The following KLHL22 variants were observed in gnomAD, a reference collection of about 807,000 sequenced individuals.
KLHL22 encodes kelch like family member 22, also known as kelch-like protein 22.
In KLHL22, 18 loss-of-function variants were observed where a neutral mutation model predicts 60.7. That is an observed-to-expected ratio of 0.30 (90% CI 0.20 to 0.44). The LOEUF (loss-of-function observed/expected upper bound fraction) is 0.44, where lower values mean the gene tolerates loss of function less well. Among genes scored for constraint, KLHL22 ranks in the 20% least tolerant of loss-of-function variants. The pLI is 1.00. For missense variants in KLHL22, 596 were observed against 852.3 expected, an observed-to-expected ratio of 0.70 and a Z score of 3.74; for synonymous variants, 355 against 354.5, an observed-to-expected ratio of 1.00 and a Z score of -0.01.
rs1413403607 is a variant in KLHL22, at chr22:20,465,733, CT to C, written c.394-158del. The C allele has an allele frequency of 4.9e-5, 31 of 626,908 alleles. No homozygotes were observed. The highest frequency in any genetic ancestry group is 2.9e-4 in the African/African-American group (16 of 54,862). The allele number at this position is 626,908 out of a possible 1,614,324, so 38.8% of individuals were successfully genotyped here. ...CCGACCTTTTCTGACACACTGGAGACTGGGGCTTACTGCAGACTAGGTTTAA... is the reference window on the plus strand; with the variant it reads ...CCGACCTTTTCTGACACACTGGAGACGGGGCTTACTGCAGACTAGGTTTAA... On this transcript the variant is annotated intron_variant, in intron 3 of 6. Coordinates refer to ENST00000328879, the MANE Select transcript of KLHL22 (RefSeq NM_032775.4). The surrounding 1 kb of genome is among the most constrained non-coding windows in gnomAD (Gnocchi z 4.9).
At chr22:20,454,140 G>C (rs1236833696) in intron 5 of KLHL22, among the ~76,000 whole-genome samples, 1 of 152,040 alleles carries the variant, frequency 6.6e-6, no homozygotes, top group Non-Finnish European at 1.5e-5. Flanking sequence ...AACAGCCTGG[G>C]CAATATGGTG....
At position 20,464,942 on chromosome 22, in the gene KLHL22, C is replaced by T. The variant is rs752446361; in HGVS notation, c.1028G>A (p.Gly343Asp). The T allele has an allele frequency of 6.2e-7, 1 of 1,601,502 alleles. No individual in the cohort carries two copies. Among genetic ancestry groups the T allele is most frequent in the Non-Finnish European group, 8.5e-7 (1 of 1,174,120 alleles). The change falls in exon 4 of 7, where the codon GGC becomes GAC. Residue 343 changes from glycine (G) to aspartate (D), a missense_variant. Physicochemically the swap from Gly to Asp is moderately conservative, Grantham distance 94 (BLOSUM62 -1). Transcript: ENST00000328879. ...ASLAPRMSNQ[G>D]IAVLNNFVYL... ...TACGAAGTTGTTGAGCACCGCGATGCCCTGGTTGGACATGCGGGGGGCCAG... is the reference window on the plus strand; with the variant it reads ...TACGAAGTTGTTGAGCACCGCGATGTCCTGGTTGGACATGCGGGGGGCCAG...
intron 2 of KLHL22, among the ~76,000 whole-genome samples, chr22:20,475,766 G>C (rs1213547510): frequency 6.6e-6 from 1 of 152,114 alleles, no homozygotes; most frequent in Non-Finnish European, 1.5e-5. Flanking sequence ...TTATCACTAT[G>C]TTGGCCAGGC....
At chr22:20,472,150 G>C (rs1057154315) in intron 2 of KLHL22, among the ~76,000 whole-genome samples, 2 of 152,086 alleles carry the variant, frequency 1.3e-5, no homozygotes, top group Non-Finnish European at 2.9e-5. Flanking sequence ...TGGTGGCTGC[G>C]GCACAAGAAT....
intron 4 of KLHL22, among the ~76,000 whole-genome samples, chr22:20,458,823 C>T (rs1243140470): frequency 6.6e-6 from 1 of 152,142 alleles, no homozygotes; most frequent in Non-Finnish European, 1.5e-5. Context: ...CCCCGCGTTT[C>T]CTGACCTCCC....
chr22:20,461,967 G>A (rs1278881082), intron 4 of KLHL22, among the ~76,000 whole-genome samples: 1 of 152,000 alleles, frequency 6.6e-6, no homozygotes, highest in African/African-American at 2.4e-5. Context: ...GCATGGTGGC[G>A]TACACCGGTA....
chr22:20,452,685 G>A (rs1601330681), intron 5 of KLHL22, among the ~76,000 whole-genome samples: 1 of 152,310 alleles, frequency 6.6e-6, no homozygotes, highest in East Asian at 1.9e-4. Flanking sequence ...TCATCTTATT[G>A]CCTGCCAGGG....
chr22:20,471,409 C>T lies in KLHL22; in HGVS notation c.334G>A (p.Glu112Lys), dbSNP rs1053093252. The change falls in exon 3 of 7, where the codon GAG (glutamate) becomes AAG (lysine). Residue 112 changes from glutamate (E) to lysine (K), a missense_variant. Coordinates refer to ENST00000328879, the MANE Select transcript of KLHL22 (RefSeq NM_032775.4). Reference sequence around the variant, plus strand: ...ACATTGCTCAGGCTGAGCTCCAGCTCGGAGGTGTATATGAAATGTAGGATT... The same window carrying T: ...ACATTGCTCAGGCTGAGCTCCAGCTTGGAGGTGTATATGAAATGTAGGATT... ...CQILHFIYTS[E>K]LELSLSNVQE... The T allele has an allele frequency of 6.2e-7, 1 of 1,614,060 alleles. No homozygotes were observed. The highest frequency in any genetic ancestry group is 8.5e-7 in the Non-Finnish European group (1 of 1,179,964).
intron 5 of KLHL22, among the ~76,000 whole-genome samples, chr22:20,456,897 G>A (rs565710404): frequency 1.8e-4 from 28 of 152,350 alleles, no homozygotes; most frequent in African/African-American, 6.0e-4. Context: ...TAAACTCCCT[G>A]AGGCAGTGCA....
intron 4 of KLHL22, 82 bp downstream of exon 4, chr22:20,464,776 A>G (rs2053204622): frequency 1.2e-6 from 1 of 839,804 alleles, no homozygotes; most frequent in Non-Finnish European, 1.9e-6. Context: ...GCTGGGGGGA[A>G]CCTGACCAGC....
intron 2 of KLHL22, chr22:20,475,217 C>CT (rs2053391840): frequency 6.9e-6 from 1 of 145,656 alleles, no homozygotes; most frequent in Non-Finnish European, 1.5e-5. Flanking sequence ...GTCTAGTCAA[C>CT]TGCAGTAGTG....
At chr22:20,453,846 T>C (rs1260311037) in intron 5 of KLHL22, among the ~76,000 whole-genome samples, 2 of 152,148 alleles carry the variant, frequency 1.3e-5, no homozygotes, top group African/African-American at 2.4e-5. Flanking sequence ...TCCATTCTTG[T>C]GCCTCAGCCT....
chr22:20,463,098 C>T (rs978017328), intron 4 of KLHL22, among the ~76,000 whole-genome samples: 19 of 152,168 alleles, frequency 1.2e-4, no homozygotes, highest in Admixed American at 9.2e-4. Flanking sequence ...TTTGAGTCCA[C>T]TGGAAGGTTA....
intron 5 of KLHL22, among the ~76,000 whole-genome samples, chr22:20,453,934 C>A (rs1004682549): frequency 1.3e-5 from 2 of 152,028 alleles, no homozygotes; most frequent in Non-Finnish European, 2.9e-5. Context: ...GGGGTTTCAC[C>A]ATGTTGGCCA....
intron 1 of KLHL22, among the ~76,000 whole-genome samples, chr22:20,494,928 C>T (rs2053746108): frequency 6.6e-6 from 1 of 152,212 alleles, no homozygotes; most frequent in African/African-American, 2.4e-5. Context: ...AGTATCCCCT[C>T]AAAGAAACTC....
In KLHL22 at chr22:20,484,182, G is replaced by A. The variant is rs183202785; in HGVS notation, c.227+4803C>T. The stretch of plus-strand genomic sequence containing the variant: ...TAATTTTTGTATTTTTAGTAGAGAC[G>A]GGGTTTCGCCATGTTGGCCAGGCTG... On this transcript the variant is annotated intron_variant, in intron 2 of 6. Coordinates refer to ENST00000328879, the MANE Select transcript of KLHL22 (RefSeq NM_032775.4). 2.7e-3 allele frequency: 1,436 copies of A among 534,992 alleles called. 19 individuals carry two copies. Among genetic ancestry groups the A allele is most frequent in the African/African-American group, 0.023 (1,215 of 51,968 alleles). The allele number at this position is 534,992 out of a possible 1,614,324, so 33.1% of individuals were successfully genotyped here.
At chr22:20,482,142 C>T (rs2053513281) in intron 2 of KLHL22, 1 of 152,210 alleles carries the variant, frequency 6.6e-6, no homozygotes, top group Non-Finnish European at 1.5e-5. Context: ...CCCAGAACTT[C>T]TGGGCTCAAG....
chr22:20,451,014 A>G, intron 5 of KLHL22: 1 of 1,528,538 alleles, frequency 6.5e-7, no homozygotes. Flanking sequence ...TCGATGCAGT[A>G]GAGAAATATG....
intron 2 of KLHL22, 68 bp from the exon 3 acceptor site, chr22:20,471,583 G>A (rs2053327384): frequency 5.8e-6 from 9 of 1,542,702 alleles, no homozygotes; most frequent in Admixed American, 1.8e-5. Context: ...TGCCAAGAGT[G>A]ACAGCATTCA....
Sources: gnomAD v4.1 joint callset for allele counts (sites outside exome capture counted in the v4.1 genomes callset) on GRCh38, gnomAD v4.1.1 for gene constraint, Gnocchi (gnomAD v3.1) non-coding constraint, MANE v1.5 for transcripts, NCBI Gene and HGNC (gene_info 2026-07-23, HGNC 2026-07-21) for gene names.